ZDHHC15: variants seen among roughly 807,000 people sequenced by gnomAD.
The protein encoded by ZDHHC15 is palmitoyltransferase ZDHHC15.
ZDHHC15 carries 19 observed loss-of-function variants against 31.7 expected under a neutral mutation model. The ratio of observed to expected loss-of-function variants is 0.60; its 90% CI spans 0.42 to 0.88. The LOEUF (loss-of-function observed/expected upper bound fraction) is 0.88. Among genes scored for constraint, ZDHHC15 ranks in the 40% least tolerant of loss-of-function variants. The pLI is 0.00. For missense variants in ZDHHC15, 209 were observed against 251.2 expected (o/e 0.83, Z 1.14); for synonymous variants, 103 against 90.0 (o/e 1.14, Z -0.82).
At chrX:75,451,589 A>G (rs768223685) in intron 3 of ZDHHC15, among the ~76,000 whole-genome samples, 2 of 111,949 alleles carry the variant, frequency 1.8e-5, no homozygotes, top group South Asian at 7.5e-4. Context: ...GCCGAAGGGT[A>G]GACTGAGTTG....
rs185828693 is a variant in ZDHHC15, at chrX:75,396,695, T to A, written c.968-17497A>T. On this transcript the variant is annotated intron_variant, in intron 10 of 11. Coordinates refer to ENST00000373367, the MANE Select transcript of ZDHHC15 (RefSeq NM_144969.3). ...TTGGAGAGATATCTGCATTCCTATGTTTATTGGAGCACAACTCATAATAGC... is the reference window on the plus strand; with the variant it reads ...TTGGAGAGATATCTGCATTCCTATGATTATTGGAGCACAACTCATAATAGC... Among the ~76,000 whole-genome samples the A allele has an allele frequency of 4.5e-5, 5 of 111,958 alleles. No individual in the cohort carries two copies. The East Asian group carries it at 1.4e-3, about 32-fold the overall frequency.
chrX:75,503,009 C>T (rs1255600582), intron 2 of ZDHHC15, among the ~76,000 whole-genome samples: 2 of 110,017 alleles, frequency 1.8e-5, no homozygotes, highest in Non-Finnish European at 1.9e-5. Context: ...ATTTATAATA[C>T]AGAGAAATAA....
chrX:75,495,143 A>C (rs2084970960), intron 2 of ZDHHC15, among the ~76,000 whole-genome samples: 1 of 112,187 alleles, frequency 8.9e-6, no homozygotes, highest in African/African-American at 3.2e-5. Context: ...CACTTCTCAA[A>C]AGGAGACATT....
chrX:75,415,584 A>T (rs992694276), intron 10 of ZDHHC15, among the ~76,000 whole-genome samples: 1 of 112,255 alleles, frequency 8.9e-6, no homozygotes, highest in Non-Finnish European at 1.9e-5. Context: ...GAATCAAGAT[A>T]CCTTGACATG....
intron 2 of ZDHHC15, among the ~76,000 whole-genome samples, chrX:75,500,131 G>T (rs988198230): frequency 4.5e-5 from 5 of 110,287 alleles, no homozygotes; most frequent in East Asian, 2.8e-4. Context: ...GGAAGGATGG[G>T]AGTGGGGTGA....
At chrX:75,390,399 G>C (rs1168000753) in intron 10 of ZDHHC15, among the ~76,000 whole-genome samples, 2 of 111,752 alleles carry the variant, frequency 1.8e-5, no homozygotes, top group African/African-American at 6.5e-5. Context: ...TCTTGGGTGA[G>C]AATCAGTGCT....
At chrX:75,516,458 C>A (rs1186291375) in intron 1 of ZDHHC15, among the ~76,000 whole-genome samples, 1 of 112,341 alleles carries the variant, frequency 8.9e-6, no homozygotes, top group Non-Finnish European at 1.9e-5. Flanking sequence ...TGCTCTTTGT[C>A]AAACCTGACA....
At chrX:75,513,481 T>C (rs1322867536) in intron 1 of ZDHHC15, among the ~76,000 whole-genome samples, 2 of 111,151 alleles carry the variant, frequency 1.8e-5, no homozygotes, top group African/African-American at 6.5e-5. Context: ...GAACTGATGC[T>C]TTGTAGTAAG....
chrX:75,481,169 G>A (rs1250361865), intron 2 of ZDHHC15, among the ~76,000 whole-genome samples: 5 of 110,969 alleles, frequency 4.5e-5, no homozygotes, highest in Non-Finnish European at 7.6e-5. Flanking sequence ...TTTGTACGGG[G>A]AAAATTACAT....
chrX:75,501,685 T>A (rs779000636), intron 2 of ZDHHC15: 69 of 111,634 alleles, frequency 6.2e-4, no homozygotes, highest in African/African-American at 2.1e-3. Flanking sequence ...GATTTGCAGT[T>A]CTGTAATGAT....
chrX:75,414,426 C>CTTTT (rs1177332052), intron 10 of ZDHHC15, among the ~76,000 whole-genome samples: 712 of 66,087 alleles, frequency 0.011, 7 homozygotes, highest in Middle Eastern at 0.037. Flanking sequence ...CATATTTTAT[C>CTTTT]TTTTTTTTTT....
At chrX:75,461,508 G>A (rs1013318899) in intron 3 of ZDHHC15, among the ~76,000 whole-genome samples, 1 of 111,057 alleles carries the variant, frequency 9.0e-6, no homozygotes, top group South Asian at 3.8e-4. Context: ...TTGAAATAAA[G>A]AAAATATTCA....
Position 75,424,765 on chromosome X carries a change from C to A in ZDHHC15, c.623G>T (p.Arg208Leu), listed in dbSNP as rs377715509. ...KYWRGELPSV[R>L]SKFHVLFLLF... The stretch of plus-strand genomic sequence containing the variant: ...AAGAAAAAGGACATGGAACTTAGAG[C>A]GAACACTGGGTAATTCCCCCTAGAA... The change falls in exon 8 of 12, where the codon CGC becomes CTC. Residue 208 changes from arginine (R) to leucine (L), a missense_variant. Arg to Leu is a moderately radical substitution (Grantham distance 102). Coordinates refer to ENST00000373367, the MANE Select transcript of ZDHHC15 (RefSeq NM_144969.3). 1 of 1,197,734 alleles carries A rather than the reference C, an allele frequency of 8.3e-7. No homozygotes were observed. The highest frequency in any genetic ancestry group is 1.1e-6 in the Non-Finnish European group (1 of 889,444).
intron 7 of ZDHHC15, among the ~76,000 whole-genome samples, chrX:75,425,998 C>A (rs1419137949): frequency 9.0e-6 from 1 of 111,500 alleles, no homozygotes; most frequent in Admixed American, 9.6e-5. Flanking sequence ...AGCAGCCCAG[C>A]AAAGAGCTAC....
chrX:75,456,438 C>A (rs767548292), intron 3 of ZDHHC15, among the ~76,000 whole-genome samples: 2 of 110,299 alleles, frequency 1.8e-5, no homozygotes, highest in Non-Finnish European at 3.8e-5. Context: ...ACCAACATGG[C>A]ACATATATAC....
intron 2 of ZDHHC15, among the ~76,000 whole-genome samples, chrX:75,482,058 A>T (rs2084696524): frequency 1.8e-5 from 2 of 111,472 alleles, no homozygotes; most frequent in South Asian, 7.6e-4. Flanking sequence ...TGTGCCCAAG[A>T]TCTCATTCTT....
intron 10 of ZDHHC15, among the ~76,000 whole-genome samples, chrX:75,380,541 T>C (rs979787276): frequency 5.4e-5 from 6 of 111,857 alleles, no homozygotes; most frequent in Admixed American, 2.8e-4. Flanking sequence ...CCTGCTCTTG[T>C]AGACACTGAG....
At chrX:75,432,074 C>T (rs1221694677) in intron 4 of ZDHHC15, among the ~76,000 whole-genome samples, 3 of 111,942 alleles carry the variant, frequency 2.7e-5, no homozygotes, top group Non-Finnish European at 5.6e-5. Context: ...CAGGGTCACA[C>T]AGCAAGTTGC....
intron 1 of ZDHHC15, among the ~76,000 whole-genome samples, chrX:75,522,440 A>G (rs2085455841): frequency 9.0e-6 from 1 of 111,527 alleles, no homozygotes; most frequent in African/African-American, 3.3e-5. Context: ...AGGAAATCCT[A>G]GTAGGATTCT....
Sources: allele counts gnomAD v4.1 joint callset (sites outside exome capture counted in the v4.1 genomes callset), GRCh38; gene constraint gnomAD v4.1.1; transcripts MANE v1.5; gene names NCBI Gene and HGNC (gene_info 2026-07-23, HGNC 2026-07-21).